GPI: variants seen among roughly 807,000 people sequenced by gnomAD.
GPI encodes D-hexose-6-phosphate anomerase.
GPI carries 56 observed loss-of-function variants against 75.8 expected under a neutral mutation model. That is an observed-to-expected ratio of 0.74 (90% CI 0.60 to 0.92). The LOEUF is 0.92. Among genes scored for constraint, GPI ranks in the 40% least tolerant of loss-of-function variants. GPI has a pLI of 0.00. For missense variants in GPI, 638 were observed against 741.0 expected (o/e 0.86, Z 1.61); for synonymous variants, 288 against 285.4 (o/e 1.01, Z -0.09).
Position 34,393,260 on chromosome 19 carries a change from C to T in GPI, c.817C>T (p.Arg273Cys), listed in dbSNP as rs748408705. The change falls in exon 10 of 18, where the codon CGC (arginine) becomes TGC (cysteine). Residue 273 changes from arginine to cysteine, a missense_variant. By Grantham distance (180) the Arg-to-Cys change is radical. Coordinates refer to ENST00000356487, the MANE Select transcript of GPI (RefSeq NM_000175.5). The surrounding 1 kb of genome is among the most constrained non-coding windows in gnomAD (Gnocchi z 4.4). The stretch of plus-strand genomic sequence containing the variant: ...CTGTCTCTCCTAGTGGGTGGGAGGA[C>T]GCTACTCGCTGTGGTCGGCCATCGG... ...MFEFWDWVGG[R>C]YSLWSAIGLS... 3.7e-6 allele frequency: 6 copies of T among 1,612,878 alleles called. No homozygotes were observed. The highest frequency in any genetic ancestry group is 2.2e-5 in the East Asian group (1 of 44,870).
At chr19:34,384,240 G>A (rs148680499) in intron 9 of GPI, among the ~76,000 whole-genome samples, 106 of 152,284 alleles carry the variant, frequency 7.0e-4, no homozygotes, top group Non-Finnish European at 1.2e-3. Context: ...AAGGGATGGG[G>A]TCAGACAAAG....
intron 9 of GPI, among the ~76,000 whole-genome samples, chr19:34,387,602 G>T (rs1367239554): frequency 6.6e-6 from 1 of 151,578 alleles, no homozygotes; most frequent in African/African-American, 2.4e-5. Context: ...ATGTTGACCT[G>T]GTGTTGTCAG....
At chr19:34,389,752 A>G (rs181478245) in intron 9 of GPI, among the ~76,000 whole-genome samples, 68 of 152,270 alleles carry the variant, frequency 4.5e-4, no homozygotes, top group Middle Eastern at 3.4e-3. Context: ...AGTACCCCTC[A>G]GGTTCCTTTT....
chr19:34,389,814 G>C (rs1160707484), intron 9 of GPI, among the ~76,000 whole-genome samples: 1 of 152,160 alleles, frequency 6.6e-6, no homozygotes. Flanking sequence ...TTGTTTCTCA[G>C]TTTCACATTT....
intron 9 of GPI, chr19:34,392,103 G>T (rs2145414050): frequency 9.5e-4 from 1 of 1,054 alleles, no homozygotes; most frequent in African/African-American, 0.017. Context: ...GTAGGATCTG[G>T]CACTGGTAAG....
intron 1 of GPI, chr19:34,365,919 C>T (rs752096605): frequency 1.5e-5 from 7 of 480,798 alleles, no homozygotes; most frequent in Non-Finnish European, 2.5e-5. Context: ...TTGAGCAAAT[C>T]ATGGGCGGGA....
At chr19:34,376,893 C>CA (rs1317124990) in intron 4 of GPI, among the ~76,000 whole-genome samples, 4 of 151,748 alleles carry the variant, frequency 2.6e-5, no homozygotes, top group African/African-American at 9.7e-5. Context: ...ACTAAAAATA[C>CA]AAAAAAATTA....
In GPI at chr19:34,400,917, G is replaced by A. The variant is rs867263888; in HGVS notation, c.*881G>A. 19 of 275,680 alleles carry A rather than the reference G, an allele frequency of 6.9e-5. No individual in the cohort carries two copies. Among genetic ancestry groups the A allele is most frequent in the African/African-American group, 3.5e-4 (16 of 45,624 alleles). The allele number at this position is 275,680 out of a possible 1,614,324, so 17.1% of individuals were successfully genotyped here. The stretch of plus-strand genomic sequence containing the variant: ...ATTTTTGTATTTTTAGTAGTGAAGG[G>A]GTTTTACCATGTTGGGCAGGCTGGT... On this transcript the variant is annotated 3_prime_UTR_variant, in exon 18 of 18. Coordinates refer to ENST00000356487, the MANE Select transcript of GPI (RefSeq NM_000175.5).
intron 1 of GPI, 62 bp from the exon 2 acceptor site, chr19:34,366,282 TA>T (rs1291679197): frequency 9.4e-7 from 1 of 1,058,972 alleles, no homozygotes; most frequent in Non-Finnish European, 1.5e-6. Flanking sequence ...AGCTCCTGCT[TA>T]GGGCATGGCT....
chr19:34,365,563 C>CTCACT (rs1599798801), intron 1 of GPI, 175 bp downstream of exon 1: 1 of 1,092,546 alleles, frequency 9.2e-7, no homozygotes, highest in African/African-American at 1.6e-5. Flanking sequence ...CCTTGGAGTG[C>CTCACT]GTTCCTGGGG....
intron 9 of GPI, among the ~76,000 whole-genome samples, chr19:34,386,515 T>C (rs2074737493): frequency 6.6e-6 from 1 of 152,188 alleles, no homozygotes; most frequent in African/African-American, 2.4e-5. Flanking sequence ...TGCAGGTAGA[T>C]AGAGTTGGCT....
rs1360762291 is a variant in GPI, at chr19:34,393,516, C to T, written c.865+208C>T. 1.4e-6 allele frequency: 1 copy of T among 706,422 alleles called. No homozygotes were observed. The highest frequency in any genetic ancestry group is 2.5e-6 in the Non-Finnish European group (1 of 395,854). The allele number at this position is 706,422 out of a possible 1,614,324, so 43.8% of individuals were successfully genotyped here. On this transcript the variant is annotated intron_variant, in intron 10 of 17. Coordinates refer to ENST00000356487, the MANE Select transcript of GPI (RefSeq NM_000175.5). This position sits in a 1 kb window ranked among gnomAD's most constrained non-coding sequence, Gnocchi z 4.4. ...TGGCCCCCGTCTTTGCCCCTCACAACTGCAGTCCTGTTTCTCTCCTATCCT... is the reference window on the plus strand; with the variant it reads ...TGGCCCCCGTCTTTGCCCCTCACAATTGCAGTCCTGTTTCTCTCCTATCCT...
Position 34,394,722 on chromosome 19 carries a change from T to C in GPI, c.1062+656T>C, listed in dbSNP as rs541299416. Among the ~76,000 whole-genome samples the C allele has an allele frequency of 2.2e-3, 328 of 148,732 alleles. 1 individual carries two copies. The highest frequency in any genetic ancestry group is 3.5e-3 in the Non-Finnish European group (231 of 66,742). Reference sequence around the variant, plus strand: ...AAGCTTTTCCACACCTGTCCCTGCTTTTTTTTTTTTGAACAGATTCTCACT... The same window carrying C: ...AAGCTTTTCCACACCTGTCCCTGCTCTTTTTTTTTTGAACAGATTCTCACT... On this transcript the variant is annotated intron_variant, in intron 12 of 17. Transcript: ENST00000356487.
intron 3 of GPI, 98 bp from the exon 4 acceptor site, chr19:34,368,485 A>T (rs1161146111): frequency 1.5e-6 from 2 of 1,327,220 alleles, no homozygotes. Context: ...CTGCCTGTCT[A>T]GTGGATAGAG....
rs767621544 is a variant in GPI, at chr19:34,396,638, G to A, written c.1250G>A (p.Arg417Gln). 60 of 1,614,106 alleles carry A rather than the reference G, an allele frequency of 3.7e-5. No individual in the cohort carries two copies. Among genetic ancestry groups the A allele is most frequent in the East Asian group, 6.7e-5 (3 of 44,878 alleles). Residue 417 changes from arginine to glutamine, a missense_variant, in exon 14 of 18, where the codon CGG (arginine) becomes CAG (glutamine). Coordinates refer to ENST00000356487, the MANE Select transcript of GPI (RefSeq NM_000175.5). ...CCGGTCCAGACCCAGCACCCCATAC[G>A]GAAGGGTCTGCATCACAAGGTAAGA... ...LIPVQTQHPI[R>Q]KGLHHKILLA...
At chr19:34,377,060 T>C (rs1261906072) in intron 4 of GPI, among the ~76,000 whole-genome samples, 1 of 151,012 alleles carries the variant, frequency 6.6e-6, no homozygotes, top group Non-Finnish European at 1.5e-5. Flanking sequence ...CCCAGCACTT[T>C]GGGAGGCTGA....
chr19:34,384,454 TAG>T (rs2074702489), intron 9 of GPI, among the ~76,000 whole-genome samples: 1 of 152,036 alleles, frequency 6.6e-6, no homozygotes, highest in South Asian at 2.1e-4. Flanking sequence ...GCATGGTGGG[TAG>T]AGTTTGTCAG....
At position 34,393,341 on chromosome 19, in the gene GPI, G is replaced by A; in HGVS notation, c.865+33G>A. The A allele has an allele frequency of 6.4e-7, 1 of 1,557,894 alleles. No individual in the cohort carries two copies. The highest frequency in any genetic ancestry group is 8.9e-7 in the Non-Finnish European group (1 of 1,128,554). ...TGTTTCTGTGTCTTGCAGCCCCTGT[G>A]GGAGACAGTGTTGCAGTCTAAGGTC... is the stretch of plus-strand genomic sequence containing the variant. On this transcript the variant is annotated intron_variant, in intron 10 of 17. Coordinates refer to ENST00000356487, the MANE Select transcript of GPI (RefSeq NM_000175.5). This position sits in a 1 kb window ranked among gnomAD's most constrained non-coding sequence, Gnocchi z 4.4.
chr19:34,377,336 A>AT (rs1157034155), intron 4 of GPI, among the ~76,000 whole-genome samples, 167 bp from the exon 5 acceptor site: 7 of 49,322 alleles, frequency 1.4e-4, no homozygotes, highest in Non-Finnish European at 1.9e-4. Context: ...AAAAAAAAAA[A>AT]ATATATATAT....
Sources: gnomAD v4.1 joint callset for allele counts (sites outside exome capture counted in the v4.1 genomes callset) on GRCh38, gnomAD v4.1.1 for gene constraint, Gnocchi (gnomAD v3.1) non-coding constraint, MANE v1.5 for transcripts, NCBI Gene and HGNC (gene_info 2026-07-23, HGNC 2026-07-21) for gene names.